The following ADGRG1 variants were observed in gnomAD, a reference collection of about 807,000 sequenced individuals.
ADGRG1 encodes 7-transmembrane protein with no EGF-like N-terminal domains-1.
ADGRG1 carries 53 observed loss-of-function variants against 73.5 expected under a neutral mutation model. That is an observed-to-expected ratio of 0.72 (90% confidence interval 0.58 to 0.91). The LOEUF (loss-of-function observed/expected upper bound fraction) is 0.91, where lower values mean the gene tolerates loss of function less well. ADGRG1 is among the 40% of genes least tolerant of loss of function. ADGRG1 has a pLI of 0.00. For missense variants in ADGRG1, 795 were observed against 871.8 expected (o/e 0.91, Z 1.11); for synonymous variants, 394 against 374.4 (o/e 1.05, Z -0.60).
chr16:57,639,729 C>T (rs1274164320), intron 1 of ADGRG1: 7 of 901,364 alleles, frequency 7.8e-6, no homozygotes, highest in Non-Finnish European at 9.3e-6. Context: ...TGCTCCCTCT[C>T]CCTGCTCCCC....
At chr16:57,626,947 G>A (rs1161628413), upstream of ADGRG1, 2 of 985,472 alleles carry the variant, frequency 2.0e-6, no homozygotes, top group African/African-American at 3.5e-5. Flanking sequence ...TGGCAATAAG[G>A]GAGTTCCCAC....
chr16:57,658,211 A>G (rs1050839597), intron 10 of ADGRG1, among the ~76,000 whole-genome samples: 1 of 152,246 alleles, frequency 6.6e-6, no homozygotes, highest in Non-Finnish European at 1.5e-5. Flanking sequence ...CACAGCGGTA[A>G]TGATCATACT....
chr16:57,649,839 G>A (rs571713396), intron 1 of ADGRG1, among the ~76,000 whole-genome samples: 9 of 151,920 alleles, frequency 5.9e-5, no homozygotes, highest in East Asian at 1.9e-4. Flanking sequence ...GTGCAGTGGC[G>A]CAGTTATAGC....
intron 13 of ADGRG1, chr16:57,662,797 C>A: frequency 4.2e-6 from 1 of 239,340 alleles, no homozygotes; most frequent in Non-Finnish European, 6.8e-6. Flanking sequence ...CATTGAGGTG[C>A]ACACACAGGC....
At chr16:57,632,510 C>T in intron 1 of ADGRG1, among the ~76,000 whole-genome samples, 1 of 152,210 alleles carries the variant, frequency 6.6e-6, no homozygotes, top group East Asian at 1.9e-4. Flanking sequence ...TAATACCTCT[C>T]CCATTGGACA....
intron 1 of ADGRG1, chr16:57,643,530 G>T (rs1206763571): frequency 2.0e-6 from 2 of 982,226 alleles, no homozygotes; most frequent in African/African-American, 3.5e-5. Flanking sequence ...CAGAAGCCAC[G>T]GGGACAGTGA....
chr16:57,640,814 G>A (rs144320372), intron 1 of ADGRG1: 1 of 870,244 alleles, frequency 1.1e-6, no homozygotes, highest in African/African-American at 1.8e-5. Flanking sequence ...TGGCCAGCCT[G>A]GGAATGCTAA....
chr16:57,623,894 C>A, upstream of ADGRG1: 1 of 888,052 alleles, frequency 1.1e-6, no homozygotes, highest in Non-Finnish European at 1.3e-6. Context: ...AGATCAGGTC[C>A]TGACTCTGTT....
At chr16:57,655,120 G>A in intron 5 of ADGRG1, 2 of 985,360 alleles carry the variant, frequency 2.0e-6, no homozygotes, top group African/African-American at 1.7e-5. Context: ...TGTAGGCAGA[G>A]CTGGCATCTG....
intron 1 of ADGRG1, chr16:57,642,067 C>T: frequency 2.0e-6 from 2 of 985,244 alleles, no homozygotes; most frequent in Non-Finnish European, 2.4e-6. Flanking sequence ...TTCCAAAATT[C>T]TAAGAGACTT....
chr16:57,644,294 C>A, intron 1 of ADGRG1: 1 of 636,870 alleles, frequency 1.6e-6, no homozygotes, highest in Non-Finnish European at 2.0e-6. Flanking sequence ...CACACTCATG[C>A]TCAGGCACAC....
At chr16:57,656,847 T>C (rs2045860843) in intron 9 of ADGRG1, among the ~76,000 whole-genome samples, 1 of 152,354 alleles carries the variant, frequency 6.6e-6, no homozygotes, top group East Asian at 1.9e-4. Context: ...CCCTGCTCTT[T>C]ATTCCCAAAT....
At chr16:57,644,489 C>G (rs1396242957) in intron 1 of ADGRG1, among the ~76,000 whole-genome samples, 1 of 148,628 alleles carries the variant, frequency 6.7e-6, no homozygotes, top group Non-Finnish European at 1.5e-5. Context: ...CCCATGCACA[C>G]ACATATGCAC....
chr16:57,623,918 A>C (rs1375521662), upstream of ADGRG1: 1 of 713,700 alleles, frequency 1.4e-6, no homozygotes, highest in African/African-American at 1.9e-5. Flanking sequence ...AACTTGCTGC[A>C]AAGCTTTGGG....
chr16:57,622,607 G>A (rs12929360), intron 2 of ADGRG1: 3,814 of 181,220 alleles, frequency 0.021, 125 homozygotes, highest in East Asian at 0.17. Context: ...TGAGGGAAGG[G>A]CTTATTAGAG....
chr16:57,645,335 G>C (rs1249371978), intron 1 of ADGRG1: 3 of 984,976 alleles, frequency 3.0e-6, no homozygotes, highest in Admixed American at 1.2e-4. Context: ...TGCCTCCGGG[G>C]CTCCCTCGTT....
At chr16:57,657,554 C>T (rs1308103707) in intron 10 of ADGRG1, 63 bp downstream of exon 10, 37 of 1,227,248 alleles carry the variant, frequency 3.0e-5, no homozygotes, top group South Asian at 4.8e-5. Flanking sequence ...TCCACCAGGG[C>T]GCCGCACACA....
At chr16:57,632,476 ACGT>A (rs2038233849) in intron 1 of ADGRG1, 13 of 318,514 alleles carry the variant, frequency 4.1e-5, no homozygotes, top group Non-Finnish European at 5.9e-5. Context: ...CCTTTCCCAT[ACGT>A]GGGAATGTTA....
intron 12 of ADGRG1, chr16:57,661,269 C>T (rs1265186302): frequency 2.5e-5 from 25 of 984,968 alleles, no homozygotes; most frequent in Admixed American, 2.5e-4. Flanking sequence ...GTGTGCTGTT[C>T]GGAGGCAGAG....
Sources: allele counts gnomAD v4.1 joint callset (sites outside exome capture counted in the v4.1 genomes callset), GRCh38; gene constraint gnomAD v4.1.1; transcripts MANE v1.5; gene names NCBI Gene and HGNC (gene_info 2026-07-23, HGNC 2026-07-21).